Variants in FAM227B observed in about 807,000 individuals in gnomAD.
The protein encoded by FAM227B is protein FAM227B.
A neutral mutation model predicts 73.8 loss-of-function variants in FAM227B; 88 were observed. That is an observed-to-expected ratio of 1.19 (90% CI 1.00 to 1.42). The LOEUF (loss-of-function observed/expected upper bound fraction) is 1.42, where lower values mean the gene tolerates loss of function less well. Among genes scored for constraint, FAM227B ranks in the 40% most tolerant of loss-of-function variants. The pLI, the probability that FAM227B is intolerant of heterozygous loss-of-function variation, is 0.00. For missense variants in FAM227B, 632 were observed against 590.9 expected (o/e 1.07, Z -0.72); for synonymous variants, 210 against 190.5 (o/e 1.10, Z -0.84).
intron 11 of FAM227B, chr15:49,486,655 G>T (rs766720527): frequency 5.3e-5 from 8 of 151,916 alleles, no homozygotes; most frequent in African/African-American, 1.9e-4. Context: ...AATGCTCTTT[G>T]TCTATGGAGT....
At chr15:49,545,944 A>ATTT (rs149465916) in intron 9 of FAM227B, among the ~76,000 whole-genome samples, 1 of 125,082 alleles carries the variant, frequency 8.0e-6, no homozygotes, top group Non-Finnish European at 1.6e-5. Context: ...AGGAGTAGCT[A>ATTT]TTTTTTTTTT....
Position 49,339,178 on chromosome 15 carries a change from AAGG to A in FAM227B, c.1272-3685_1272-3683del, listed in dbSNP as rs1204476525. Among the ~76,000 whole-genome samples, 16 of 152,040 alleles carry A rather than the reference AAGG, an allele frequency of 1.1e-4. 1 individual carries two copies. Among genetic ancestry groups the A allele is most frequent in the Admixed American group, 1.0e-3 (16 of 15,266 alleles). The stretch of plus-strand genomic sequence containing the variant: ...TGTCCAGTTTTGTTCCCTTGCTGGC[AAGG>A]AGTTGTGATTCTTTAGCAGAGAAGA... On this transcript the variant is annotated intron_variant, in intron 13 of 15. Coordinates refer to ENST00000299338, the MANE Select transcript of FAM227B (RefSeq NM_152647.3).
At chr15:49,385,335 T>TAGGC (rs1382134568) in intron 11 of FAM227B, among the ~76,000 whole-genome samples, 1 of 151,942 alleles carries the variant, frequency 6.6e-6, no homozygotes, top group African/African-American at 2.4e-5. Flanking sequence ...TAAGTGACCT[T>TAGGC]AGGCAAATTA....
chr15:49,412,662 A>T (rs576000138), intron 11 of FAM227B, among the ~76,000 whole-genome samples: 2 of 152,202 alleles, frequency 1.3e-5, no homozygotes, highest in Non-Finnish European at 2.9e-5. Context: ...TTCCGATATC[A>T]TGTATTATAT....
chr15:49,449,636 T>A (rs2052539414), intron 11 of FAM227B, among the ~76,000 whole-genome samples: 1 of 152,040 alleles, frequency 6.6e-6, no homozygotes, highest in African/African-American at 2.4e-5. Context: ...TTAAGGCAAA[T>A]ATGCCATACT....
chr15:49,612,149 T>C (rs2077977755), intron 2 of FAM227B, among the ~76,000 whole-genome samples: 1 of 152,052 alleles, frequency 6.6e-6, no homozygotes. Context: ...CGTGCAGGTC[T>C]GTTACATATG....
intron 11 of FAM227B, among the ~76,000 whole-genome samples, chr15:49,500,876 G>C (rs989534312): frequency 6.6e-6 from 1 of 152,124 alleles, no homozygotes; most frequent in Non-Finnish European, 1.5e-5. Flanking sequence ...AGGTCTGCTT[G>C]TTTAAAATTG....
intron 11 of FAM227B, among the ~76,000 whole-genome samples, chr15:49,422,177 CGT>C (rs1228166834): frequency 2.2e-4 from 27 of 122,376 alleles, no homozygotes; most frequent in African/African-American, 6.5e-4. Context: ...CGCGCGCGCG[CGT>C]GCACGCGTGT....
At chr15:49,563,611 C>T (rs1276469081) in intron 9 of FAM227B, among the ~76,000 whole-genome samples, 1 of 152,112 alleles carries the variant, frequency 6.6e-6, no homozygotes, top group Non-Finnish European at 1.5e-5. Context: ...GTTACAGTAA[C>T]CAAAACAGCA....
chr15:49,382,109 G>A (rs938711702), intron 11 of FAM227B, among the ~76,000 whole-genome samples: 1 of 151,970 alleles, frequency 6.6e-6, no homozygotes, highest in Non-Finnish European at 1.5e-5. Context: ...ATATATGATT[G>A]TTTGGTGGGG....
intron 11 of FAM227B, among the ~76,000 whole-genome samples, chr15:49,400,927 G>C (rs891581966): frequency 6.6e-6 from 1 of 152,024 alleles, no homozygotes; most frequent in African/African-American, 2.4e-5. Flanking sequence ...TTACCATTCA[G>C]GACATAGGCA....
intron 11 of FAM227B, among the ~76,000 whole-genome samples, chr15:49,401,284 A>C (rs1346324022): frequency 6.6e-6 from 1 of 152,294 alleles, no homozygotes; most frequent in African/African-American, 2.4e-5. Context: ...AGAAATGCAA[A>C]TCAAAACCAC....
intron 11 of FAM227B, among the ~76,000 whole-genome samples, chr15:49,500,373 A>G (rs946159156): frequency 3.3e-5 from 5 of 152,264 alleles, no homozygotes; most frequent in Non-Finnish European, 7.3e-5. Context: ...CCACAAAGCC[A>G]CAGGGGTGAA....
chr15:49,578,579 A>C (rs559733124), intron 5 of FAM227B, among the ~76,000 whole-genome samples: 2 of 152,300 alleles, frequency 1.3e-5, no homozygotes, highest in African/African-American at 4.8e-5. Flanking sequence ...ACATACACAC[A>C]TATTACACAT....
intron 9 of FAM227B, among the ~76,000 whole-genome samples, chr15:49,556,592 G>A (rs1036451929): frequency 1.6e-4 from 24 of 152,156 alleles, no homozygotes; most frequent in African/African-American, 4.8e-4. Context: ...GTAGGCCCCC[G>A]GGAGGCAGCC....
In FAM227B at chr15:49,328,357, T is replaced by A; in HGVS notation, c.*211A>T. On this transcript the variant is annotated 3_prime_UTR_variant, in exon 16 of 16. Coordinates refer to ENST00000299338, the MANE Select transcript of FAM227B (RefSeq NM_152647.3). ...TCTTTTTCCATCTTAAAATATGGTT[T>A]TACTATTAAGAGCCAAGATCATGCT... The A allele has an allele frequency of 1.4e-6, 2 of 1,429,402 alleles. No individual in the cohort carries two copies. Among genetic ancestry groups the A allele is most frequent in the Non-Finnish European group, 9.1e-7 (1 of 1,095,542 alleles). The allele number at this position is 1,429,402 out of a possible 1,614,324, so 88.5% of individuals were successfully genotyped here.
At chr15:49,546,292 C>T (rs897639368) in intron 9 of FAM227B, among the ~76,000 whole-genome samples, 2 of 152,162 alleles carry the variant, frequency 1.3e-5, no homozygotes, top group African/African-American at 4.8e-5. Context: ...ATGAACTCAT[C>T]ATTTTTTATG....
chr15:49,430,323 T>C lies in FAM227B; in HGVS notation c.1013-58924A>G, dbSNP rs756748001. Among the ~76,000 whole-genome samples, 12 of 151,964 alleles carry C rather than the reference T, an allele frequency of 7.9e-5. No individual in the cohort carries two copies. In the East Asian group the frequency reaches 2.3e-3, roughly 30 times the overall value. On this transcript the variant is annotated intron_variant, in intron 11 of 15. Coordinates refer to ENST00000299338, the MANE Select transcript of FAM227B (RefSeq NM_152647.3). ...CAGTAGGGTACTTGAAGTACAGGCC[T>C]CAATGTCTGCTTATTCTGCACTTAA...
intron 10 of FAM227B, among the ~76,000 whole-genome samples, chr15:49,539,288 C>A (rs1336011550): frequency 6.6e-6 from 1 of 152,202 alleles, no homozygotes; most frequent in Admixed American, 6.5e-5. Flanking sequence ...GCGTCTTCAG[C>A]TACAAAGGCT....
Sources: allele counts gnomAD v4.1 joint callset (sites outside exome capture counted in the v4.1 genomes callset), GRCh38; gene constraint gnomAD v4.1.1; transcripts MANE v1.5; gene names NCBI Gene and HGNC (gene_info 2026-07-23, HGNC 2026-07-21).